MAP2K1: variants seen among roughly 807,000 people sequenced by gnomAD.
The protein encoded by MAP2K1 is dual specificity mitogen-activated protein kinase kinase 1.
A neutral mutation model predicts 46.3 loss-of-function variants in MAP2K1; 16 were observed. That is an observed-to-expected ratio of 0.35 (90% CI 0.23 to 0.52). The LOEUF (loss-of-function observed/expected upper bound fraction) is 0.52. Among genes scored for constraint, MAP2K1 ranks in the 20% least tolerant of loss-of-function variants. MAP2K1 has a pLI of 0.94. For synonymous variants in MAP2K1, 183 were observed against 185.6 expected, an observed-to-expected ratio of 0.99 and a Z score of 0.11; for missense variants, 263 against 497.1, an observed-to-expected ratio of 0.53 and a Z score of 4.48.
At chr15:66,479,316 T>G (rs1444911724) in intron 5 of MAP2K1, among the ~76,000 whole-genome samples, 3 of 152,080 alleles carry the variant, frequency 2.0e-5, no homozygotes, top group Non-Finnish European at 4.4e-5. Flanking sequence ...CAGGCTGGTC[T>G]TGAACTCCTG....
rs35205995 is a variant in MAP2K1 at position 66,457,963 on chromosome 15, GA to G, written c.568+13271del. 9.2e-3 allele frequency among the ~76,000 whole-genome samples: 1,053 copies of G among 113,998 alleles called. 7 individuals carry two copies. Among genetic ancestry groups the G allele is most frequent in the African/African-American group, 0.024 (721 of 30,556 alleles). The allele number at this position is 113,998 out of a possible 152,430, so 74.8% of individuals were successfully genotyped here. On this transcript the variant is annotated intron_variant, in intron 5 of 10. Coordinates refer to ENST00000307102, the MANE Select transcript of MAP2K1 (RefSeq NM_002755.4). The stretch of plus-strand genomic sequence containing the variant: ...GGGTAACAAGAGCAAGACTGTCTCA[GA>G]AAAAAAAAAAAAAAGAATTTAAACA...
Position 66,436,911 on chromosome 15 carries a change from G to A in MAP2K1, c.438+19G>A, listed in dbSNP as rs2093489731. ...GCACATGGTATGTGACACCCTCTCAGCCTCTGGAGCAATGGCCTTAAGAGT... is the reference window on the plus strand; with the variant it reads ...GCACATGGTATGTGACACCCTCTCAACCTCTGGAGCAATGGCCTTAAGAGT... On this transcript the variant is annotated intron_variant, in intron 3 of 10. Coordinates refer to ENST00000307102, the MANE Select transcript of MAP2K1 (RefSeq NM_002755.4). 2 of 1,613,774 alleles carry A rather than the reference G, an allele frequency of 1.2e-6. No individual in the cohort carries two copies. The highest frequency in any genetic ancestry group is 4.5e-5 in the East Asian group (2 of 44,872).
chr15:66,406,903 A>C (rs926461592), intron 1 of MAP2K1, among the ~76,000 whole-genome samples: 20 of 152,132 alleles, frequency 1.3e-4, no homozygotes, highest in Non-Finnish European at 2.4e-4. Context: ...GTGGTGGTGC[A>C]TGCCTATAAT....
Position 66,422,074 on chromosome 15 carries a change from A to G in MAP2K1, c.81-12953A>G, listed in dbSNP as rs532296109. On this transcript the variant is annotated intron_variant, in intron 1 of 10. Transcript: ENST00000307102. The stretch of plus-strand genomic sequence containing the variant: ...CTTTTGAAGTTGGTGGTGAAACCAT[A>G]AAAGCAATAAAGGTAATTAACTACA... Among the ~76,000 whole-genome samples, 11 of 152,290 alleles carry G rather than the reference A, an allele frequency of 7.2e-5. No homozygotes were observed. In the South Asian group the frequency reaches 2.3e-3, roughly 32 times the overall value.
chr15:66,455,507 G>A (rs954666036), intron 5 of MAP2K1, among the ~76,000 whole-genome samples: 5 of 152,194 alleles, frequency 3.3e-5, no homozygotes, highest in Admixed American at 1.3e-4. Context: ...GAAGTGCCTC[G>A]TGGTATTTTG....
At chr15:66,402,749 A>T (rs748406986) in intron 1 of MAP2K1, among the ~76,000 whole-genome samples, 4 of 152,000 alleles carry the variant, frequency 2.6e-5, no homozygotes, top group Non-Finnish European at 5.9e-5. Flanking sequence ...AAATCCACTT[A>T]ATCTATCTAG....
At chr15:66,425,249 G>A (rs947315366) in intron 1 of MAP2K1, among the ~76,000 whole-genome samples, 5 of 152,216 alleles carry the variant, frequency 3.3e-5, no homozygotes, top group Non-Finnish European at 7.3e-5. Context: ...TCCTTCAGCA[G>A]TTAGTAGACT....
At chr15:66,427,864 A>G (rs1476695996) in intron 1 of MAP2K1, among the ~76,000 whole-genome samples, 21 of 151,838 alleles carry the variant, frequency 1.4e-4, no homozygotes, top group Admixed American at 1.4e-3. Flanking sequence ...AAATACAAAA[A>G]TTAGCCGGGC....
At chr15:66,417,506 T>C (rs1290912366) in intron 1 of MAP2K1, among the ~76,000 whole-genome samples, 2 of 151,958 alleles carry the variant, frequency 1.3e-5, no homozygotes, top group African/African-American at 4.8e-5. Context: ...GCCCAGGAGA[T>C]TGAGGCTGCA....
chr15:66,399,405 A>G (rs2093376163), intron 1 of MAP2K1, among the ~76,000 whole-genome samples: 1 of 152,120 alleles, frequency 6.6e-6, no homozygotes. Context: ...GCTTGTCTAC[A>G]TTGTATGATA....
intron 5 of MAP2K1, among the ~76,000 whole-genome samples, chr15:66,477,213 G>A (rs1249090875): frequency 6.6e-6 from 1 of 152,192 alleles, no homozygotes; most frequent in Admixed American, 6.5e-5. Context: ...GCTGTGTTAT[G>A]TAAGTTTGAA....
chr15:66,486,802 T>G (rs1893048805), intron 7 of MAP2K1, among the ~76,000 whole-genome samples: 1 of 152,178 alleles, frequency 6.6e-6, no homozygotes, highest in Admixed American at 6.5e-5. Flanking sequence ...TTGGAGGGGC[T>G]GGTGGCTGTG....
intron 1 of MAP2K1, among the ~76,000 whole-genome samples, chr15:66,427,785 C>T (rs897103737): frequency 6.6e-6 from 1 of 151,850 alleles, no homozygotes; most frequent in East Asian, 1.9e-4. Context: ...GGACGCTGAG[C>T]CTGGCGGATC....
At chr15:66,437,770 T>C (rs1300899419) in intron 3 of MAP2K1, among the ~76,000 whole-genome samples, 2 of 152,240 alleles carry the variant, frequency 1.3e-5, no homozygotes, top group African/African-American at 4.8e-5. Context: ...GCATCCACTG[T>C]TATAGGCATC....
chr15:66,392,042 A>C (rs1391572139), intron 1 of MAP2K1, among the ~76,000 whole-genome samples: 1 of 152,146 alleles, frequency 6.6e-6, no homozygotes, highest in African/African-American at 2.4e-5. Flanking sequence ...ATCCAGGCTG[A>C]TCGAGGCATC....
chr15:66,487,756 G>A (rs1002925317), intron 8 of MAP2K1, among the ~76,000 whole-genome samples: 3 of 152,070 alleles, frequency 2.0e-5, no homozygotes, highest in African/African-American at 4.8e-5. Flanking sequence ...GGATTTGAGG[G>A]AGGCAGAGCA....
intron 1 of MAP2K1, among the ~76,000 whole-genome samples, chr15:66,421,139 T>C (rs901660650): frequency 4.1e-5 from 6 of 146,450 alleles, no homozygotes; most frequent in South Asian, 2.2e-4. Context: ...TATATATATA[T>C]AAATTTTTTT....
chr15:66,475,762 C>T (rs927589185), intron 5 of MAP2K1, among the ~76,000 whole-genome samples: 1 of 152,174 alleles, frequency 6.6e-6, no homozygotes, highest in African/African-American at 2.4e-5. Flanking sequence ...GGGGCCTTGA[C>T]CACATCTTCA....
chr15:66,490,280 G>T, intron 10 of MAP2K1: 1 of 675,532 alleles, frequency 1.5e-6, no homozygotes, highest in Non-Finnish European at 2.7e-6. Flanking sequence ...TGCACGAGTA[G>T]GCTCCAAGAG....
Sources: gnomAD v4.1 joint callset for allele counts (sites outside exome capture counted in the v4.1 genomes callset) on GRCh38, gnomAD v4.1.1 for gene constraint, MANE v1.5 for transcripts, NCBI Gene and HGNC (gene_info 2026-07-23, HGNC 2026-07-21) for gene names.